FGF13: variants seen among roughly 807,000 people sequenced by gnomAD.
FGF13 encodes fibroblast growth factor homologous factor 2.
In FGF13, 2 loss-of-function variants were observed where a neutral mutation model predicts 19.5. The ratio of observed to expected loss-of-function variants is 0.10; its 90% CI spans 0.04 to 0.32. FGF13 has a LOEUF of 0.32. Among genes scored for constraint, FGF13 ranks in the 10% least tolerant of loss-of-function variants. The pLI is 1.00. For synonymous variants in FGF13, 72 were observed against 76.9 expected, an observed-to-expected ratio of 0.94 and a Z score of 0.33; for missense variants, 113 against 192.7, an observed-to-expected ratio of 0.59 and a Z score of 2.45.
At chrX:138,770,505 C>T (rs1412782965) in intron 3 of FGF13, among the ~76,000 whole-genome samples, 1 of 111,179 alleles carries the variant, frequency 9.0e-6, no homozygotes, top group Non-Finnish European at 1.9e-5. Context: ...TGCTTAAGTT[C>T]CAACCCCTCT....
chrX:138,833,349 T>C (rs2091088312), intron 3 of FGF13, among the ~76,000 whole-genome samples: 1 of 111,730 alleles, frequency 9.0e-6, no homozygotes, highest in Non-Finnish European at 1.9e-5. Context: ...AGCAGTGTTT[T>C]GCGATTCTTA....
At chrX:139,097,877 A>G (rs1363410534) in intron 1 of FGF13, among the ~76,000 whole-genome samples, 1 of 112,410 alleles carries the variant, frequency 8.9e-6, no homozygotes, top group East Asian at 2.8e-4. Context: ...TTAGAATTTT[A>G]TTAAGAGAAT....
chrX:138,698,708 T>C (rs2089919262), intron 3 of FGF13, among the ~76,000 whole-genome samples: 1 of 111,939 alleles, frequency 8.9e-6, no homozygotes, highest in African/African-American at 3.2e-5. Context: ...ATGGAATTTC[T>C]TAAAGTTCCT....
intron 3 of FGF13, among the ~76,000 whole-genome samples, chrX:138,843,649 G>A (rs374742308): frequency 5.2e-4 from 58 of 111,793 alleles, no homozygotes; most frequent in African/African-American, 1.8e-3. Flanking sequence ...GAAATGGGTA[G>A]TATCCTAATA....
chrX:138,639,723 G>C (rs771189320), intron 3 of FGF13, among the ~76,000 whole-genome samples: 3 of 111,402 alleles, frequency 2.7e-5, no homozygotes, highest in African/African-American at 9.8e-5. Context: ...ATTCATGGTG[G>C]CTCATGCCTG....
chrX:139,122,342 C>T (rs1383940807), intron 1 of FGF13, among the ~76,000 whole-genome samples: 3 of 111,388 alleles, frequency 2.7e-5, no homozygotes, highest in Non-Finnish European at 5.7e-5. Flanking sequence ...CTGTGCTATT[C>T]CAGAACACAT....
At chrX:138,718,712 T>A (rs1221132211) in intron 1 of FGF13, among the ~76,000 whole-genome samples, 1 of 111,858 alleles carries the variant, frequency 8.9e-6, no homozygotes, top group African/African-American at 3.3e-5. Context: ...CCTGGTATAT[T>A]CAGAGAAAAT....
chrX:138,893,061 C>G (rs985964834), intron 1 of FGF13, among the ~76,000 whole-genome samples: 1 of 110,931 alleles, frequency 9.0e-6, no homozygotes, highest in Admixed American at 9.6e-5. Context: ...ACCGAGGCAG[C>G]TCAAAAAATC....
intron 3 of FGF13, among the ~76,000 whole-genome samples, chrX:138,822,159 G>A (rs1172831537): frequency 1.8e-5 from 2 of 111,997 alleles, no homozygotes; most frequent in Non-Finnish European, 3.8e-5. Flanking sequence ...GAAGGCCTCT[G>A]TTTATCTCCT....
intron 3 of FGF13, among the ~76,000 whole-genome samples, chrX:138,667,467 T>C (rs1029241029): frequency 9.0e-5 from 10 of 110,837 alleles, no homozygotes; most frequent in Non-Finnish European, 1.7e-4. Context: ...AAAATAAACA[T>C]ACACAAAATA....
At chrX:139,043,345 G>A (rs1466234709) in intron 1 of FGF13, among the ~76,000 whole-genome samples, 1 of 110,617 alleles carries the variant, frequency 9.0e-6, no homozygotes, top group Non-Finnish European at 1.9e-5. Context: ...CTGAGTAGCT[G>A]GGATTACAGG....
At chrX:138,800,568 C>T (rs1255907813) in intron 3 of FGF13, among the ~76,000 whole-genome samples, 1 of 111,169 alleles carries the variant, frequency 9.0e-6, no homozygotes. Context: ...TTGCTCTTCT[C>T]GAGGAGTATC....
intron 1 of FGF13, among the ~76,000 whole-genome samples, chrX:138,944,968 CT>C (rs1282311560): frequency 2.3e-4 from 25 of 110,039 alleles, no homozygotes; most frequent in African/African-American, 8.3e-4. Context: ...ATACAGTTTT[CT>C]TTTTACCAGT....
chrX:138,830,252 G>A (rs1006252400), intron 3 of FGF13, among the ~76,000 whole-genome samples: 2 of 111,691 alleles, frequency 1.8e-5, no homozygotes, highest in African/African-American at 6.5e-5. Flanking sequence ...TTCTGGTGAA[G>A]GCTCAAAAGA....
chrX:138,888,831 C>G (rs943997600), intron 1 of FGF13, among the ~76,000 whole-genome samples: 2 of 111,899 alleles, frequency 1.8e-5, no homozygotes, highest in African/African-American at 6.5e-5. Flanking sequence ...AATGAAGAAA[C>G]TCTATCGTCA....
intron 1 of FGF13, among the ~76,000 whole-genome samples, chrX:139,033,529 C>G (rs1349658181): frequency 8.9e-6 from 1 of 111,859 alleles, no homozygotes; most frequent in African/African-American, 3.2e-5. Context: ...CAAAGTAACA[C>G]TGTTAGGAAG....
intron 1 of FGF13, among the ~76,000 whole-genome samples, chrX:138,908,314 A>C (rs963273186): frequency 1.9e-5 from 2 of 106,930 alleles, no homozygotes; most frequent in African/African-American, 6.9e-5. Context: ...TCCTGACCTC[A>C]TGATCCGCCC....
At chrX:138,909,824 G>C (rs890681104) in intron 1 of FGF13, among the ~76,000 whole-genome samples, 1 of 111,891 alleles carries the variant, frequency 8.9e-6, no homozygotes, top group African/African-American at 3.3e-5. Flanking sequence ...CAAAGTGAGA[G>C]AAAAACATTA....
At chrX:138,869,121 G>A (rs1168866974) in intron 1 of FGF13, among the ~76,000 whole-genome samples, 9 of 111,454 alleles carry the variant, frequency 8.1e-5, no homozygotes, top group Non-Finnish European at 1.9e-5. Flanking sequence ...TTTTCAAGCA[G>A]GTAGGGTGCT....
Sources: gnomAD v4.1 joint callset for allele counts (sites outside exome capture counted in the v4.1 genomes callset) on GRCh38, gnomAD v4.1.1 for gene constraint, MANE v1.5 for transcripts, NCBI Gene and HGNC (gene_info 2026-07-23, HGNC 2026-07-21) for gene names.